Variants in ARHGAP45 observed in about 807,000 individuals in gnomAD.
The protein encoded by ARHGAP45 is Rho GTPase activating protein 45, also known as rho GTPase-activating protein 45.
Under a neutral mutation model 116.1 loss-of-function variants are expected in ARHGAP45, and 56 were observed. That is an observed-to-expected ratio of 0.48 (90% CI 0.39 to 0.60). ARHGAP45 has a LOEUF of 0.60. Among genes scored for constraint, ARHGAP45 ranks in the 20% least tolerant of loss-of-function variants. The pLI is 0.00. For synonymous variants in ARHGAP45, 866 were observed against 701.7 expected, an observed-to-expected ratio of 1.23 and a Z score of -3.70; for missense variants, 1,622 against 1,601.0, an observed-to-expected ratio of 1.01 and a Z score of -0.22.
Position 1,069,791 on chromosome 19 carries a change from G to GA in ARHGAP45, c.421+1049dup, listed in dbSNP as rs1018129551. Among the ~76,000 whole-genome samples the GA allele has an allele frequency of 2.6e-5, 4 of 151,092 alleles. No homozygotes were observed. Among genetic ancestry groups the GA allele is most frequent in the Non-Finnish European group, 4.4e-5 (3 of 67,810 alleles). On this transcript the variant is annotated intron_variant, in intron 2 of 22. Transcript: ENST00000313093. This position sits in a 1 kb window ranked among gnomAD's most constrained non-coding sequence, Gnocchi z 4.1. Reference sequence around the variant, plus strand: ...GCTCCCAGGCTCCTGCAGGAGGTCTGAACTGGGCCAGCCAGGGTGGGGCAC... The same window carrying GA: ...GCTCCCAGGCTCCTGCAGGAGGTCTGAAACTGGGCCAGCCAGGGTGGGGCAC...
At chr19:1,076,524 CCTCA>C (rs1797448325) in intron 10 of ARHGAP45, among the ~76,000 whole-genome samples, 1 of 118,490 alleles carries the variant, frequency 8.4e-6, no homozygotes, top group African/African-American at 3.8e-5. Flanking sequence ...GAGACAAGAG[CCTCA>C]CTCTGTTGCC....
chr19:1,084,668 A>G (rs1267302371), intron 22 of ARHGAP45, among the ~76,000 whole-genome samples: 1 of 152,122 alleles, frequency 6.6e-6, no homozygotes, highest in Admixed American at 6.5e-5. Flanking sequence ...CCGTTTTTCT[A>G]GAGAAGGGCG....
intron 3 of ARHGAP45, 25 bp downstream of exon 3, chr19:1,073,317 G>T (rs372387936): frequency 2.2e-5 from 35 of 1,610,950 alleles, no homozygotes; most frequent in Non-Finnish European, 2.9e-5. Flanking sequence ...ACAGGGCTGC[G>T]AGGGCTCTCT....
chr19:1,074,546 G>C, intron 8 of ARHGAP45, 68 bp from the exon 9 acceptor site: 1 of 1,440,094 alleles, frequency 6.9e-7, no homozygotes, highest in Non-Finnish European at 9.4e-7. Context: ...GGGAGCTGGT[G>C]GCTGGGGGTG....
rs1192150214 is a variant in ARHGAP45, at chr19:1,069,420, C to CG, written c.421+678dup. On this transcript the variant is annotated intron_variant, in intron 2 of 22. Coordinates refer to ENST00000313093, the MANE Select transcript of ARHGAP45 (RefSeq NM_012292.5). This position sits in a 1 kb window ranked among gnomAD's most constrained non-coding sequence, Gnocchi z 4.1. ...CACCTCATGTGCTGCCTTCAGCCCC[C>CG]GGCTCCTCCCAGAAACCACAGTGCC... 5.9e-5 allele frequency among the ~76,000 whole-genome samples: 9 copies of CG among 152,250 alleles called. No homozygotes were observed. Among genetic ancestry groups the CG allele is most frequent in the African/African-American group, 2.2e-4 (9 of 41,462 alleles).
intron 3 of ARHGAP45, 57 bp downstream of exon 3, chr19:1,073,349 G>A (rs2043175227): frequency 1.2e-6 from 2 of 1,600,610 alleles, no homozygotes; most frequent in Non-Finnish European, 1.7e-6. Context: ...CATCCTGGAG[G>A]AGGGGATGTT....
intron 1 of ARHGAP45, 43 bp downstream of exon 1, chr19:1,067,538 C>G (rs746082525): frequency 6.6e-6 from 10 of 1,517,266 alleles, no homozygotes; most frequent in Non-Finnish European, 9.0e-6. Context: ...CGCCGGGCCG[C>G]AGGGGGACAG....
In ARHGAP45 at chr19:1,080,326, G is replaced by GC; in HGVS notation, c.1781dup (p.Glu595ArgfsTer7). ...GTGGCGCGGCCGGAGGCTGCCGGGAGCCCCCCAGAAGAAGGCGGGTGCACT... is the reference window on the plus strand; with the variant it reads ...GTGGCGCGGCCGGAGGCTGCCGGGAGCCCCCCCAGAAGAAGGCGGGTGCACT... On this transcript the variant is annotated frameshift_variant, in exon 14 of 23. Transcript: ENST00000313093. LOFTEE classifies it high-confidence loss of function. The GC allele has an allele frequency of 6.2e-7, 1 of 1,610,528 alleles. No homozygotes were observed.
At chr19:1,070,329 CTTTTTTTTTT>C (rs1172163710) in intron 2 of ARHGAP45, among the ~76,000 whole-genome samples, 1 of 93,272 alleles carries the variant, frequency 1.1e-5, no homozygotes, top group East Asian at 3.0e-4. Context: ...CTTTTCTTTT[CTTTTTTTTTT>C]TTTTTTTTTG....
At chr19:1,082,528 C>A in intron 19 of ARHGAP45, 1 of 436,870 alleles carries the variant, frequency 2.3e-6, no homozygotes, top group South Asian at 3.6e-5. Flanking sequence ...GGGAGTGGGA[C>A]CAGCACTTCG....
At position 1,080,744 on chromosome 19, in the gene ARHGAP45, G is replaced by C. The variant is rs202128250; in HGVS notation, c.1975G>C (p.Val659Leu). The change falls in exon 16 of 23, where the codon GTG becomes CTG. Residue 659 changes from valine to leucine, a missense_variant. By Grantham distance (32) the Val-to-Leu change is conservative. This residue lies in a region of ARHGAP45 where 1,334 missense variants were observed against 1,263.8 expected (regional missense o/e 1.06). Coordinates refer to ENST00000313093, the MANE Select transcript of ARHGAP45 (RefSeq NM_012292.5). ...TACCATGTCGTCCACGGAGGAGCTG[G>C]TGGACCCAGACGGTGGAGCCGGGGC... Reference protein sequence around the residue: ...SGTMSSTEELVDPDGGAGASA... With the variant: ...SGTMSSTEELLDPDGGAGASA... The C allele has an allele frequency of 1.9e-6, 3 of 1,613,586 alleles. No homozygotes were observed. The East Asian group carries it at 6.7e-5, about 36-fold the overall frequency.
chr19:1,068,317 T>G lies in ARHGAP45; in HGVS notation c.91-97T>G. 9.1e-7 allele frequency: 1 copy of G among 1,104,262 alleles called. No individual in the cohort carries two copies. The highest frequency in any genetic ancestry group is 1.3e-6 in the Non-Finnish European group (1 of 792,012). The allele number at this position is 1,104,262 out of a possible 1,614,324, so 68.4% of individuals were successfully genotyped here. A position where few individuals can be genotyped will look rare whatever the true frequency, so the allele number is the denominator to read the frequency against. ...TTTGACCCCTGTGGGGTCAGGGTGA[T>G]GGTGGCCCTCCACAGCCCCACTTCA... On this transcript the variant is annotated intron_variant, in intron 1 of 22. Coordinates refer to ENST00000313093, the MANE Select transcript of ARHGAP45 (RefSeq NM_012292.5). This position sits in a 1 kb window ranked among gnomAD's most constrained non-coding sequence, Gnocchi z 7.5.
intron 21 of ARHGAP45, among the ~76,000 whole-genome samples, chr19:1,084,031 C>T (rs959452524): frequency 1.3e-5 from 2 of 152,310 alleles, no homozygotes; most frequent in East Asian, 3.9e-4. Context: ...GTGTGAGCCA[C>T]TGCACGCGGC....
In ARHGAP45 at chr19:1,085,914, A is replaced by G. The variant is rs778890459; in HGVS notation, c.3319A>G (p.Asn1107Asp). The change falls in exon 23 of 23, where the codon AAC (asparagine) becomes GAC (aspartate). Residue 1107 changes from asparagine to aspartate, a missense_variant. Physicochemically the swap from Asn to Asp is conservative, Grantham distance 23. Coordinates refer to ENST00000313093, the MANE Select transcript of ARHGAP45 (RefSeq NM_012292.5). ...LSGFNTNQSN[N>D]VLQAPLPPMR... Reference sequence around the variant, plus strand: ...AGGATTCAACACCAACCAGTCCAACAACGTGCTGCAGGCCCCACTGCCCCC... The same window carrying G: ...AGGATTCAACACCAACCAGTCCAACGACGTGCTGCAGGCCCCACTGCCCCC... 1.2e-6 allele frequency: 2 copies of G among 1,612,842 alleles called. No homozygotes were observed. Among genetic ancestry groups the G allele is most frequent in the Admixed American group, 1.7e-5 (1 of 59,998 alleles).
intron 17 of ARHGAP45, 139 bp downstream of exon 17, chr19:1,081,203 GGGGGT>G: frequency 9.8e-7 from 1 of 1,018,208 alleles, no homozygotes; most frequent in Non-Finnish European, 1.4e-6. Flanking sequence ...AGCGAACGGA[GGGGGT>G]GGGGTGGGCT....
In ARHGAP45 at chr19:1,074,187, A is replaced by G. The variant is rs1599756388; in HGVS notation, c.874A>G (p.Met292Val). The change falls in exon 7 of 23, where the codon ATG becomes GTG. Residue 292 changes from methionine (M) to valine (V), a missense_variant. This residue lies in a region of ARHGAP45 where 1,334 missense variants were observed against 1,263.8 expected (regional missense o/e 1.06). Transcript: ENST00000313093. The stretch of plus-strand genomic sequence containing the variant: ...TGCCGCACTGCTGTATGCCAAGAAC[A>G]TGGCCAAGTACATGAAGGACCTCAT... ...VDAALLYAKN[M>V]AKYMKDLISY... The G allele has an allele frequency of 5.6e-6, 9 of 1,613,468 alleles. No individual in the cohort carries two copies. The East Asian group carries it at 1.6e-4, about 28-fold the overall frequency.
In ARHGAP45 at chr19:1,067,180, G is replaced by GCAGGCTGAGGCC. The variant is rs2043050158; in HGVS notation, c.-225_-214dup. ...ACCTTCGCGCCCACTCCGCAGAGCC[G>GCAGGCTGAGGCC]CAGGCTGAGGCCGGGAAGGGTCGGG... On this transcript the variant is annotated 5_prime_UTR_variant, in exon 1 of 23. Coordinates refer to ENST00000313093, the MANE Select transcript of ARHGAP45 (RefSeq NM_012292.5). 2.3e-6 allele frequency: 3 copies of GCAGGCTGAGGCC among 1,294,488 alleles called. No individual in the cohort carries two copies. The highest frequency in any genetic ancestry group is 5.9e-4 in the Middle Eastern group (2 of 3,416). 80.2% of individuals were successfully genotyped at this position (1,294,488 alleles called of 1,614,324 possible). A position where few individuals can be genotyped will look rare whatever the true frequency, so the allele number is the denominator to read the frequency against.
chr19:1,080,918 C>G lies in ARHGAP45; in HGVS notation c.2044C>G (p.Leu682Val), dbSNP rs765427626. Residue 682 changes from leucine to valine, a missense_variant, in exon 17 of 23, where the codon CTG becomes GTG. Around this residue, in one of 3 missense-constraint regions of ARHGAP45, gnomAD observed 1,334 missense variants for 1,263.8 expected, o/e 1.06. Transcript: ENST00000313093. ...TGACCTCAACGGCATGACCCCCGAG[C>G]TGCCGGTGGCCGTGCCCAGTGGACC... is the stretch of plus-strand genomic sequence containing the variant. ...QADLNGMTPELPVAVPSGPFR... is the reference protein window; with the variant it reads ...QADLNGMTPEVPVAVPSGPFR... The G allele has an allele frequency of 3.1e-6, 5 of 1,608,826 alleles. No homozygotes were observed. Among genetic ancestry groups the G allele is most frequent in the Non-Finnish European group, 4.2e-6 (5 of 1,177,910 alleles).
Position 1,082,918 on chromosome 19 carries a change from G to A in ARHGAP45, c.2596G>A (p.Glu866Lys), listed in dbSNP as rs766560903. ...LAKDSLKAEA[E>K]AKAASRGRQD... is the part of the protein sequence containing the mutation. ...CAAGGACAGCCTGAAGGCAGAGGCCGAGGCCAAGGCGGCGTCCCGGGGCCG... is the reference window on the plus strand; with the variant it reads ...CAAGGACAGCCTGAAGGCAGAGGCCAAGGCCAAGGCGGCGTCCCGGGGCCG... The change falls in exon 20 of 23, where the codon GAG becomes AAG. Residue 866 changes from glutamate to lysine, a missense_variant. Physicochemically the swap from Glu to Lys is moderately conservative, Grantham distance 56. Transcript: ENST00000313093. 7 of 1,594,930 alleles carry A rather than the reference G, an allele frequency of 4.4e-6. No individual in the cohort carries two copies. Among genetic ancestry groups the A allele is most frequent in the African/African-American group, 1.3e-5 (1 of 74,804 alleles).
Sources: allele counts gnomAD v4.1 joint callset (sites outside exome capture counted in the v4.1 genomes callset), GRCh38; gene constraint gnomAD v4.1.1; regional missense constraint gnomAD v4.1.1; non-coding constraint Gnocchi (gnomAD v3.1); transcripts MANE v1.5; gene names NCBI Gene and HGNC (gene_info 2026-07-23, HGNC 2026-07-21).